The following PAK1 variants were observed in gnomAD, a reference collection of about 807,000 sequenced individuals.
PAK1 encodes the protein p21 (RAC1) activated kinase 1, also known as serine/threonine-protein kinase PAK 1.
Under a neutral mutation model 67.4 loss-of-function variants are expected in PAK1, and 29 were observed. The observed-to-expected ratio is 0.43, with a 90% CI of 0.32 to 0.59. PAK1 has a LOEUF of 0.59. PAK1 is among the 20% of genes least tolerant of loss of function. The pLI, the probability that PAK1 is intolerant of heterozygous loss-of-function variation, is 0.07. For synonymous variants in PAK1, 223 were observed against 237.4 expected, an observed-to-expected ratio of 0.94 and a Z score of 0.56; for missense variants, 337 against 670.7, an observed-to-expected ratio of 0.50 and a Z score of 5.50.
At position 77,337,331 on chromosome 11, in the gene PAK1, G is replaced by A; in HGVS notation, c.1209C>T (p.Val403=). ...CCTAAGGCTCCTACTTACTTAGCTT[G>A]ACAGAGCCATCCATTCCCAACAGAA... The part of the protein sequence containing the change: ...DNILLGMDGS[V]KLTDFGFCAQ... Residue 403 remains valine (V), a synonymous_variant, in exon 12 of 15, where the codon GTC becomes GTT. Coordinates refer to ENST00000356341, the MANE Select transcript of PAK1 (RefSeq NM_002576.5). 3.2e-6 allele frequency: 5 copies of A among 1,577,398 alleles called. No homozygotes were observed. Among genetic ancestry groups the A allele is most frequent in the Non-Finnish European group, 4.4e-6 (5 of 1,147,692 alleles).
rs1948827060 is a variant in PAK1, at chr11:77,374,369, C to A, written c.440-4G>T. 3 of 1,589,908 alleles carry A rather than the reference C, an allele frequency of 1.9e-6. No homozygotes were observed. The highest frequency in any genetic ancestry group is 2.6e-6 in the Non-Finnish European group (3 of 1,158,912). Reference sequence around the variant, plus strand: ...TTGTAATCCTCAGCTGACTTATCTGCACAGGAAGAAAAACAAGGGACTTAG... The same window carrying A: ...TTGTAATCCTCAGCTGACTTATCTGAACAGGAAGAAAAACAAGGGACTTAG... On this transcript the variant is annotated splice_polypyrimidine_tract_variant and splice_region_variant and intron_variant, in intron 4 of 14. Transcript: ENST00000356341.
At chr11:77,340,032 A>G (rs1943350187) in intron 11 of PAK1, among the ~76,000 whole-genome samples, 1 of 152,154 alleles carries the variant, frequency 6.6e-6, no homozygotes, top group Admixed American at 6.5e-5. Context: ...TTCCTCCTAC[A>G]TCAGCGTATT....
chr11:77,512,621 A>G, the PAK1 span, among the ~76,000 whole-genome samples: 1 of 152,150 alleles, frequency 6.6e-6, no homozygotes, highest in East Asian at 1.9e-4. Context: ...TTTTCAATTA[A>G]TTGACCAACT....
At chr11:77,384,752 G>A (rs1243232899) in intron 2 of PAK1, among the ~76,000 whole-genome samples, 1 of 152,166 alleles carries the variant, frequency 6.6e-6, no homozygotes, top group East Asian at 1.9e-4. Context: ...AGGGAGAAGT[G>A]AGGAACGACT....
chr11:77,417,973 G>A (rs933005613), intron 1 of PAK1, among the ~76,000 whole-genome samples: 6 of 151,750 alleles, frequency 4.0e-5, no homozygotes, highest in Non-Finnish European at 5.9e-5. Flanking sequence ...TGACCTCAGG[G>A]GATCTACCTG....
At chr11:77,399,074 ATTCAAGTGCAG>A (rs1362162364) in intron 1 of PAK1, among the ~76,000 whole-genome samples, 1 of 152,366 alleles carries the variant, frequency 6.6e-6, no homozygotes, top group African/African-American at 2.4e-5. Context: ...CAGGCTCTTC[ATTCAAGTGCAG>A]TTCAAGTGCA....
intron 4 of PAK1, among the ~76,000 whole-genome samples, chr11:77,377,499 C>A (rs1949253535): frequency 6.6e-6 from 1 of 152,162 alleles, no homozygotes; most frequent in Non-Finnish European, 1.5e-5. Context: ...CGTATCTGTA[C>A]ATATACACTC....
chr11:77,350,346 C>A (rs1759210780), intron 8 of PAK1, among the ~76,000 whole-genome samples: 1 of 152,120 alleles, frequency 6.6e-6, no homozygotes, highest in South Asian at 2.1e-4. Context: ...CCACTTGACA[C>A]ATGTGTGTAC....
the PAK1 span, among the ~76,000 whole-genome samples, chr11:77,499,982 T>A: frequency 6.6e-6 from 1 of 152,172 alleles, no homozygotes; most frequent in East Asian, 1.9e-4. Flanking sequence ...GCTCTGAAAG[T>A]GGCTGGAAGA....
chr11:77,514,571 C>A, the PAK1 span, among the ~76,000 whole-genome samples: 76 of 152,248 alleles, frequency 5.0e-4, no homozygotes, highest in African/African-American at 1.6e-3. Context: ...TAACTGAAAA[C>A]CTGGATGACA....
the PAK1 span, among the ~76,000 whole-genome samples, chr11:77,519,542 G>T: frequency 6.6e-6 from 1 of 152,174 alleles, no homozygotes; most frequent in Non-Finnish European, 1.5e-5. Flanking sequence ...GGTTCCAGGG[G>T]TGTCAGCCGG....
intron 5 of PAK1, among the ~76,000 whole-genome samples, chr11:77,372,541 G>A (rs941538978): frequency 1.2e-4 from 18 of 152,284 alleles, no homozygotes; most frequent in African/African-American, 4.3e-4. Flanking sequence ...GTCCCCACTG[G>A]TGGAAGCATG....
chr11:77,322,482 T>C lies in PAK1; in HGVS notation c.*792A>G, dbSNP rs539145225. 8.0e-4 allele frequency: 155 copies of C among 193,386 alleles called. No individual in the cohort carries two copies. The highest frequency in any genetic ancestry group is 1.4e-3 in the Non-Finnish European group (130 of 92,602). 12.0% of individuals were successfully genotyped at this position (193,386 alleles called of 1,614,324 possible). On this transcript the variant is annotated 3_prime_UTR_variant, in exon 15 of 15. Coordinates refer to ENST00000356341, the MANE Select transcript of PAK1 (RefSeq NM_002576.5). ...CTGATGCCCAGCCTTGCTCTAAAAG[T>C]AGTCACCATTTTCCCCGACTTCTCA...
the PAK1 span, among the ~76,000 whole-genome samples, chr11:77,506,046 C>G: frequency 6.6e-6 from 1 of 152,122 alleles, no homozygotes; most frequent in East Asian, 1.9e-4. Context: ...TCCAGCAGGG[C>G]TCCCAGTCAG....
At chr11:77,453,857 G>C (rs1187700459) in intron 1 of PAK1, among the ~76,000 whole-genome samples, 2 of 152,250 alleles carry the variant, frequency 1.3e-5, no homozygotes, top group African/African-American at 2.4e-5. Context: ...GAGGCAGGAG[G>C]ATTGCTTGAA....
In PAK1 at chr11:77,392,485, G is replaced by C. The variant is rs775839991; in HGVS notation, c.36C>G (p.Pro12=). The C allele has an allele frequency of 5.0e-6, 8 of 1,613,270 alleles. No individual in the cohort carries two copies. Among genetic ancestry groups the C allele is most frequent in the South Asian group, 2.2e-5 (2 of 90,972 alleles). ...SNNGLDIQDK[P]PAPPMRNTST... ...TGGTATTTCTCATCGGAGGGGCTGG[G>C]GGTTTGTCTTGAATGTCTAGGCCGT... Residue 12 remains proline (P), a synonymous_variant, in exon 2 of 15, where the codon CCC becomes CCG. Transcript: ENST00000356341.
chr11:77,489,151 T>C, the PAK1 span, among the ~76,000 whole-genome samples: 4 of 152,088 alleles, frequency 2.6e-5, no homozygotes, highest in Admixed American at 2.6e-4. Context: ...CATGACAAAT[T>C]TATAGTGCTG....
intron 1 of PAK1, among the ~76,000 whole-genome samples, chr11:77,469,500 C>G (rs1350949451): frequency 2.0e-5 from 3 of 152,146 alleles, no homozygotes; most frequent in Non-Finnish European, 4.4e-5. Context: ...ATCCTGTAAA[C>G]TAGTCGTAGC....
intron 9 of PAK1, among the ~76,000 whole-genome samples, chr11:77,346,724 T>G (rs1245361793): frequency 6.6e-6 from 1 of 152,144 alleles, no homozygotes; most frequent in Non-Finnish European, 1.5e-5. Context: ...CGTACTTATA[T>G]TATCACAGTA....
Sources: allele counts gnomAD v4.1 joint callset (sites outside exome capture counted in the v4.1 genomes callset), GRCh38; gene constraint gnomAD v4.1.1; transcripts MANE v1.5; gene names NCBI Gene and HGNC (gene_info 2026-07-23, HGNC 2026-07-21).